The following ZC3H10 variants were observed in gnomAD, a reference collection of about 807,000 sequenced individuals.
ZC3H10 encodes zinc finger CCCH domain-containing protein 10.
ZC3H10 carries 12 observed loss-of-function variants against 24.3 expected under a neutral mutation model. The ratio of observed to expected loss-of-function variants is 0.49; its 90% CI spans 0.32 to 0.80. The LOEUF (loss-of-function observed/expected upper bound fraction) is 0.80, where lower values mean the gene tolerates loss of function less well. Ranked by LOEUF, ZC3H10 falls within the 30% of genes least tolerant of loss-of-function variation. The pLI is 0.04. For missense variants in ZC3H10, 360 were observed against 576.3 expected, an observed-to-expected ratio of 0.62 and a Z score of 3.84; for synonymous variants, 226 against 217.0, an observed-to-expected ratio of 1.04 and a Z score of -0.36.
chr12:56,121,324 A>G lies in ZC3H10; in HGVS notation c.762A>G (p.Leu254=). The part of the protein sequence containing the change: ...NAMLRKRVEE[L]KKQVSNLLAT... ...TGCTCAGGAAGCGGGTAGAGGAGTTAAAGAAGCAGGTCAGCAACCTGCTGG... is the reference window on the plus strand; with the variant it reads ...TGCTCAGGAAGCGGGTAGAGGAGTTGAAGAAGCAGGTCAGCAACCTGCTGG... The change falls in exon 3 of 3, where the codon TTA becomes TTG. Residue 254 remains leucine, a synonymous_variant. Transcript: ENST00000257940. The surrounding 1 kb of genome is among the most constrained non-coding windows in gnomAD (Gnocchi z 6.2). The G allele has an allele frequency of 6.2e-7, 1 of 1,613,890 alleles. No individual in the cohort carries two copies. Among genetic ancestry groups the G allele is most frequent in the Non-Finnish European group, 8.5e-7 (1 of 1,180,010 alleles).
In ZC3H10 at chr12:56,121,786, C is replaced by T. The variant is rs759128565; in HGVS notation, c.1224C>T (p.Ile408=). ...AVSMAQPLAG[I]TMSHTTTPMV... is the part of the protein sequence containing the mutation. ...CGATGGCCCAACCCTTGGCAGGAAT[C>T]ACAATGAGCCACACCACCACTCCCA... The change falls in exon 3 of 3, where the codon ATC becomes ATT. Residue 408 remains isoleucine (I), a synonymous_variant. Coordinates refer to ENST00000257940, the MANE Select transcript of ZC3H10 (RefSeq NM_032786.3). This position sits in a 1 kb window ranked among gnomAD's most constrained non-coding sequence, Gnocchi z 6.2. 40 of 1,614,076 alleles carry T rather than the reference C, an allele frequency of 2.5e-5. No homozygotes were observed. The South Asian group carries it at 3.8e-4, about 16-fold the overall frequency.
Position 56,120,577 on chromosome 12 carries a change from C to T in ZC3H10, c.15C>T (p.Asp5=), listed in dbSNP as rs1172403051. The change falls in exon 3 of 3, where the codon GAC becomes GAT. Residue 5 remains aspartate, a synonymous_variant. Transcript: ENST00000257940. ...GCGGGACCAGGATGCCTGACCGGGA[C>T]AGCTATGCCAACGGTACCGGGAGCA... The part of the protein sequence containing the change: MPDR[D]SYANGTGSSG... 1 of 1,552,242 alleles carries T rather than the reference C, an allele frequency of 6.4e-7. No homozygotes were observed.
In ZC3H10 at chr12:56,120,675, C is replaced by T. The variant is rs1869786524; in HGVS notation, c.113C>T (p.Ser38Leu). ...GAGVGSGGAS[S>L]DAICRDFLRN... ...GGGGTAGGCAGTGGCGGGGCCAGCT[C>T]AGATGCCATCTGTAGAGACTTCTTG... The change falls in exon 3 of 3, where the codon TCA becomes TTA. Residue 38 changes from serine (S) to leucine (L), a missense_variant. This residue lies in a region of ZC3H10 where 126 missense variants were observed against 208.8 expected (regional missense o/e 0.60). Coordinates refer to ENST00000257940, the MANE Select transcript of ZC3H10 (RefSeq NM_032786.3). The T allele has an allele frequency of 1.9e-6, 3 of 1,602,888 alleles. No individual in the cohort carries two copies. The highest frequency in any genetic ancestry group is 1.3e-5 in the African/African-American group (1 of 74,886).
In ZC3H10 at chr12:56,123,602, A is replaced by G. The variant is rs959483914; in HGVS notation, c.*1735A>G. The G allele has an allele frequency of 1.3e-4, 20 of 151,994 alleles. No individual in the cohort carries two copies. Among genetic ancestry groups the G allele is most frequent in the African/African-American group, 4.3e-4 (18 of 41,460 alleles). The allele number at this position is 151,994 out of a possible 1,614,324, so 9.4% of individuals were successfully genotyped here. ...ACGCCCGGCTAATTTTTTTATTTTT[A>G]GTAGAGACGGGGTTTCATCGTGTTG... is the stretch of plus-strand genomic sequence containing the variant. On this transcript the variant is annotated 3_prime_UTR_variant, in exon 3 of 3. Coordinates refer to ENST00000257940, the MANE Select transcript of ZC3H10 (RefSeq NM_032786.3).
rs1041917107 is a variant in ZC3H10 at position 56,121,500 on chromosome 12, A to T, written c.938A>T (p.His313Leu). The change falls in exon 3 of 3, where the codon CAC (histidine) becomes CTC (leucine). Residue 313 changes from histidine to leucine, a missense_variant. By Grantham distance (99) the His-to-Leu change is moderately conservative. This residue lies in a region of ZC3H10 where 133 missense variants were observed against 256.7 expected (regional missense o/e 0.52). Transcript: ENST00000257940. This position sits in a 1 kb window ranked among gnomAD's most constrained non-coding sequence, Gnocchi z 6.2. Reference protein sequence around the residue: ...ATFNHGIAQTHTTLSSQALQP... With the variant: ...ATFNHGIAQTLTTLSSQALQP... Reference sequence around the variant, plus strand: ...TTTAACCATGGCATTGCCCAGACTCACACTACTCTCAGCAGCCAGGCTCTA... The same window carrying T: ...TTTAACCATGGCATTGCCCAGACTCTCACTACTCTCAGCAGCCAGGCTCTA... 1.2e-6 allele frequency: 2 copies of T among 1,613,384 alleles called. No individual in the cohort carries two copies. Among genetic ancestry groups the T allele is most frequent in the Non-Finnish European group, 1.7e-6 (2 of 1,179,462 alleles).
chr12:56,121,843 G>A lies in ZC3H10; in HGVS notation c.1281G>A (p.Met427Ile). The change falls in exon 3 of 3, where the codon ATG (methionine) becomes ATA (isoleucine). Residue 427 changes from methionine (M) to isoleucine (I), a missense_variant. This residue lies in a region of ZC3H10 where 133 missense variants were observed against 256.7 expected (regional missense o/e 0.52). Coordinates refer to ENST00000257940, the MANE Select transcript of ZC3H10 (RefSeq NM_032786.3). This position sits in a 1 kb window ranked among gnomAD's most constrained non-coding sequence, Gnocchi z 6.2. ...CTTACCCTATCGCTTCCCAGAGCAT[G>A]CGCATCACGGCCATGCCACACTGAT... ...MVTYPIASQS[M>I]RITAMPH is the part of the protein sequence containing the mutation. 1 of 1,612,010 alleles carries A rather than the reference G, an allele frequency of 6.2e-7. No homozygotes were observed. Among genetic ancestry groups the A allele is most frequent in the Non-Finnish European group, 8.5e-7 (1 of 1,178,776 alleles).
In ZC3H10 at chr12:56,121,789, A is replaced by G; in HGVS notation, c.1227A>G (p.Thr409=). The change falls in exon 3 of 3, where the codon ACA becomes ACG. Residue 409 remains threonine, a synonymous_variant. Transcript: ENST00000257940. The surrounding 1 kb of genome is among the most constrained non-coding windows in gnomAD (Gnocchi z 6.2). ...VSMAQPLAGI[T]MSHTTTPMVT... ...TGGCCCAACCCTTGGCAGGAATCAC[A>G]ATGAGCCACACCACCACTCCCATGG... 1.2e-6 allele frequency: 2 copies of G among 1,614,082 alleles called. No homozygotes were observed. The highest frequency in any genetic ancestry group is 1.7e-6 in the Non-Finnish European group (2 of 1,179,984).
At position 56,125,922 on chromosome 12, in the gene ZC3H10, C is replaced by T. The variant is rs1869978907; in HGVS notation, c.*4055C>T. The T allele has an allele frequency of 6.6e-6, 1 of 151,788 alleles. No individual in the cohort carries two copies. Among genetic ancestry groups the T allele is most frequent in the South Asian group, 2.1e-4 (1 of 4,818 alleles). 9.4% of individuals were successfully genotyped at this position (151,788 alleles called of 1,614,324 possible). A position where few individuals can be genotyped will look rare whatever the true frequency, so the allele number is the denominator to read the frequency against. ...TGCCTCAGCCTCCCAAGTAGAGTAA[C>T]TGGGATTACAGGTACATGCCACCAT... On this transcript the variant is annotated 3_prime_UTR_variant, in exon 3 of 3. Transcript: ENST00000257940.
In ZC3H10 at chr12:56,121,457, G is replaced by A; in HGVS notation, c.895G>A (p.Val299Met). 1.2e-6 allele frequency: 2 copies of A among 1,610,512 alleles called. No homozygotes were observed. Among genetic ancestry groups the A allele is most frequent in the Non-Finnish European group, 1.7e-6 (2 of 1,177,004 alleles). ...PATEQTLAPTVGTVATFNHGI... is the reference protein window; with the variant it reads ...PATEQTLAPTMGTVATFNHGI... ...GACTGAGCAGACTCTGGCCCCCACT[G>A]TGGGCACTGTTGCCACTTTTAACCA... Residue 299 changes from valine to methionine, a missense_variant, in exon 3 of 3, where the codon GTG becomes ATG. Val to Met is a conservative substitution (Grantham distance 21). Transcript: ENST00000257940. This position sits in a 1 kb window ranked among gnomAD's most constrained non-coding sequence, Gnocchi z 6.2.
At chr12:56,120,081 G>A (rs1187174352) in intron 2 of ZC3H10, 1 of 362,670 alleles carries the variant, frequency 2.8e-6, no homozygotes, top group East Asian at 1.6e-4. Flanking sequence ...GAAAAGGAAA[G>A]GGGGTTAAGG....
chr12:56,118,673 C>CT (rs1869712719), intron 1 of ZC3H10: 2 of 152,264 alleles, frequency 1.3e-5, no homozygotes, highest in South Asian at 2.1e-4. Context: ...CCTAGGACTT[C>CT]TTTCGCAAAC....
At chr12:56,119,365 C>T (rs1869739795) in intron 2 of ZC3H10, 1 of 152,212 alleles carries the variant, frequency 6.6e-6, no homozygotes, top group Non-Finnish European at 1.5e-5. Context: ...GGAGGACCCT[C>T]TTACAGATTC....
rs1252699845 is a variant in ZC3H10, at chr12:56,127,437, C to G, written c.*5570C>G. The G allele has an allele frequency of 1.3e-5, 2 of 152,216 alleles. No individual in the cohort carries two copies. Among genetic ancestry groups the G allele is most frequent in the African/African-American group, 4.8e-5 (2 of 41,458 alleles). The allele number at this position is 152,216 out of a possible 1,614,324, so 9.4% of individuals were successfully genotyped here. The stretch of plus-strand genomic sequence containing the variant: ...TCCCTTTTGGAGCCAACTAGTCTTA[C>G]ATCCATCCTCTAAGATAGAGATGAC... On this transcript the variant is annotated 3_prime_UTR_variant, in exon 3 of 3. Coordinates refer to ENST00000257940, the MANE Select transcript of ZC3H10 (RefSeq NM_032786.3).
intron 1 of ZC3H10, chr12:56,118,827 T>C (rs971732121): frequency 6.6e-6 from 1 of 152,170 alleles, no homozygotes; most frequent in African/African-American, 2.4e-5. Flanking sequence ...TCACATCCTC[T>C]TTCATCTTGA....
At position 56,121,338 on chromosome 12, in the gene ZC3H10, G is replaced by A. The variant is rs1443274879; in HGVS notation, c.776G>A (p.Ser259Asn). The change falls in exon 3 of 3, where the codon AGC becomes AAC. Residue 259 changes from serine (S) to asparagine (N), a missense_variant. Around this residue, in one of 3 missense-constraint regions of ZC3H10, gnomAD observed 133 missense variants for 256.7 expected, o/e 0.52. Transcript: ENST00000257940. The surrounding 1 kb of genome is among the most constrained non-coding windows in gnomAD (Gnocchi z 6.2). The part of the protein sequence containing the change: ...KRVEELKKQV[S>N]NLLATNEVLL... Reference sequence around the variant, plus strand: ...GTAGAGGAGTTAAAGAAGCAGGTCAGCAACCTGCTGGCCACCAATGAGGTA... The same window carrying A: ...GTAGAGGAGTTAAAGAAGCAGGTCAACAACCTGCTGGCCACCAATGAGGTA... 1 of 1,613,860 alleles carries A rather than the reference G, an allele frequency of 6.2e-7. No homozygotes were observed. The highest frequency in any genetic ancestry group is 1.3e-5 in the African/African-American group (1 of 74,904).
In ZC3H10 at chr12:56,122,521, G is replaced by A. The variant is rs1251768365; in HGVS notation, c.*654G>A. 3 of 166,678 alleles carry A rather than the reference G, an allele frequency of 1.8e-5. No homozygotes were observed. The highest frequency in any genetic ancestry group is 4.4e-5 in the Non-Finnish European group (3 of 68,134). The allele number at this position is 166,678 out of a possible 1,614,324, so 10.3% of individuals were successfully genotyped here. ...AATGGAGGCAGTGAAAACTTGCTTA[G>A]CTATTCTGTGTGGAAGATGGGAGCA... On this transcript the variant is annotated 3_prime_UTR_variant, in exon 3 of 3. Transcript: ENST00000257940.
chr12:56,122,023 G>A lies in ZC3H10; in HGVS notation c.*156G>A, dbSNP rs1355455063. ...GTATGTCCTGAGGAGGGGTTGGGAT[G>A]GTGTGTTTTCTCTCACCTCCCTTTT... On this transcript the variant is annotated 3_prime_UTR_variant, in exon 3 of 3. Transcript: ENST00000257940. 5.2e-6 allele frequency: 5 copies of A among 953,684 alleles called. No homozygotes were observed. The Admixed American group carries it at 1.5e-4, about 29-fold the overall frequency. 59.1% of individuals were successfully genotyped at this position (953,684 alleles called of 1,614,324 possible). A position where few individuals can be genotyped will look rare whatever the true frequency, so the allele number is the denominator to read the frequency against.
rs774602778 is a variant in ZC3H10 at position 56,121,087 on chromosome 12, G to C, written c.525G>C (p.Gly175=). The part of the protein sequence containing the change: ...FDARGGGGTG[G]GSTGSVLPGR... ...CTCGGGGTGGAGGAGGCACTGGTGG[G>C]GGCTCAACAGGCTCAGTCCTCCCAG... The change falls in exon 3 of 3, where the codon GGG becomes GGC. Residue 175 remains glycine, a synonymous_variant. Coordinates refer to ENST00000257940, the MANE Select transcript of ZC3H10 (RefSeq NM_032786.3). The surrounding 1 kb of genome is among the most constrained non-coding windows in gnomAD (Gnocchi z 6.2). 1 of 1,614,160 alleles carries C rather than the reference G, an allele frequency of 6.2e-7. No individual in the cohort carries two copies. The highest frequency in any genetic ancestry group is 2.2e-5 in the East Asian group (1 of 44,890).
chr12:56,120,698 T>G lies in ZC3H10; in HGVS notation c.136T>G (p.Leu46Val), dbSNP rs769734546. The change falls in exon 3 of 3, where the codon TTG becomes GTG. Residue 46 changes from leucine to valine, a missense_variant. By Grantham distance (32) the Leu-to-Val change is conservative. Transcript: ENST00000257940. ...ASSDAICRDFLRNVCKRGKRC... is the reference protein window; with the variant it reads ...ASSDAICRDFVRNVCKRGKRC... ...CTCAGATGCCATCTGTAGAGACTTC[T>G]TGAGGAATGTGTGCAAGCGAGGCAA... The G allele has an allele frequency of 2.5e-6, 4 of 1,613,570 alleles. No homozygotes were observed. The Middle Eastern group carries it at 5.0e-4, about 200-fold the overall frequency.
Sources: allele counts gnomAD v4.1 joint callset, GRCh38; gene constraint gnomAD v4.1.1; regional missense constraint gnomAD v4.1.1; non-coding constraint Gnocchi (gnomAD v3.1); transcripts MANE v1.5; gene names NCBI Gene and HGNC (gene_info 2026-07-23, HGNC 2026-07-21).